The following LEF1 variants were observed in gnomAD, a reference collection of about 807,000 sequenced individuals.
LEF1 encodes the protein lymphoid enhancer binding factor 1.
LEF1 carries 14 observed loss-of-function variants against 51.2 expected under a neutral mutation model. That is an observed-to-expected ratio of 0.27 (90% CI 0.18 to 0.43). The LOEUF is 0.43. LEF1 is among the 20% of genes least tolerant of loss of function. The pLI is 1.00. For missense variants in LEF1, 386 were observed against 512.0 expected (o/e 0.75, Z 2.37); for synonymous variants, 185 against 183.2 (o/e 1.01, Z -0.08).
At chr4:108,050,307 C>T (rs1350784658) in intron 11 of LEF1, among the ~76,000 whole-genome samples, 2 of 152,142 alleles carry the variant, frequency 1.3e-5, no homozygotes, top group East Asian at 3.9e-4. Context: ...AGAAGGCACC[C>T]TTAGGTAAGG....
chr4:108,160,562 G>T lies in LEF1; in HGVS notation c.414+3006C>A, dbSNP rs555745606. Among the ~76,000 whole-genome samples, 7 of 152,242 alleles carry T rather than the reference G, an allele frequency of 4.6e-5. No individual in the cohort carries two copies. The South Asian group carries it at 1.5e-3, about 32-fold the overall frequency. ...AATTCTGTGAGAGACCCATTCATAA[G>T]ATTTCTGGTATAGACACATTCACAC... On this transcript the variant is annotated intron_variant, in intron 3 of 11. Transcript: ENST00000265165.
intron 11 of LEF1, among the ~76,000 whole-genome samples, chr4:108,059,663 C>G (rs1737541527): frequency 6.6e-6 from 1 of 152,050 alleles, no homozygotes; most frequent in Admixed American, 6.5e-5. Flanking sequence ...AATTGAAAAC[C>G]AGCTGTGTGA....
intron 11 of LEF1, among the ~76,000 whole-genome samples, chr4:108,059,657 G>T (rs1203571250): frequency 6.6e-6 from 1 of 152,008 alleles, no homozygotes; most frequent in Non-Finnish European, 1.5e-5. Flanking sequence ...CTTCAGAATT[G>T]AAAACCAGCT....
In LEF1 at chr4:108,089,934, T is replaced by C. The variant is rs188626377; in HGVS notation, c.415-677A>G. On this transcript the variant is annotated intron_variant, in intron 3 of 11. Coordinates refer to ENST00000265165, the MANE Select transcript of LEF1 (RefSeq NM_016269.5). ...CTTCTCTAGTTTCCATAAACATTAA[T>C]TGATAAAAAGGAATTTCCAATCTTG... is the stretch of plus-strand genomic sequence containing the variant. Among the ~76,000 whole-genome samples the C allele has an allele frequency of 1.5e-3, 235 of 152,294 alleles. 1 individual carries two copies. Among genetic ancestry groups the C allele is most frequent in the African/African-American group, 5.3e-3 (221 of 41,556 alleles).
At chr4:108,086,100 T>C (rs1722171481) in intron 4 of LEF1, among the ~76,000 whole-genome samples, 1 of 152,224 alleles carries the variant, frequency 6.6e-6, no homozygotes, top group African/African-American at 2.4e-5. Context: ...GCTTAGGTCA[T>C]TATGTGAGCA....
At chr4:108,052,729 G>A (rs1285646580) in intron 11 of LEF1, among the ~76,000 whole-genome samples, 2 of 152,158 alleles carry the variant, frequency 1.3e-5, no homozygotes, top group Non-Finnish European at 2.9e-5. Context: ...GAGTCCCAGT[G>A]CTGGGCTGTT....
At chr4:108,070,315 T>C (rs925451771) in intron 9 of LEF1, 2 of 162,672 alleles carry the variant, frequency 1.2e-5, no homozygotes, top group African/African-American at 4.8e-5. Context: ...AAACCACGCA[T>C]AGAAAAAATA....
At chr4:108,166,931 G>T in intron 1 of LEF1, 3 of 579,580 alleles carry the variant, frequency 5.2e-6, no homozygotes, top group Non-Finnish European at 6.5e-6. Context: ...CGCTGGGGCC[G>T]CAGGGACTGA....
chr4:108,104,169 A>T (rs1379667568), intron 3 of LEF1, among the ~76,000 whole-genome samples: 1 of 152,076 alleles, frequency 6.6e-6, no homozygotes, highest in Non-Finnish European at 1.5e-5. Context: ...ATTATATGAT[A>T]TGTATATGTA....
intron 3 of LEF1, among the ~76,000 whole-genome samples, chr4:108,123,435 T>G (rs1488812689): frequency 5.3e-5 from 3 of 56,714 alleles, no homozygotes; most frequent in East Asian, 7.9e-4. Context: ...AGGGTTGGTT[T>G]TTTTTTTTTT....
intron 3 of LEF1, among the ~76,000 whole-genome samples, chr4:108,134,117 T>C (rs890164122): frequency 6.7e-6 from 1 of 150,118 alleles, no homozygotes; most frequent in Non-Finnish European, 1.5e-5. Flanking sequence ...AACGAGTATA[T>C]ATAAATAACT....
Position 108,167,511 on chromosome 4 carries a change from G to A in LEF1, c.213+44C>T. 6.3e-7 allele frequency: 1 copy of A among 1,599,968 alleles called. No homozygotes were observed. Among genetic ancestry groups the A allele is most frequent in the Non-Finnish European group, 8.5e-7 (1 of 1,169,898 alleles). On this transcript the variant is annotated intron_variant, in intron 1 of 11. Coordinates refer to ENST00000265165, the MANE Select transcript of LEF1 (RefSeq NM_016269.5). This position sits in a 1 kb window ranked among gnomAD's most constrained non-coding sequence, Gnocchi z 5.7. Reference sequence around the variant, plus strand: ...CCTTCCTCCCTCTCTGAGTTTCCCAGGGACCCGCCACGCCTCTCGGAACTG... The same window carrying A: ...CCTTCCTCCCTCTCTGAGTTTCCCAAGGACCCGCCACGCCTCTCGGAACTG...
chr4:108,082,201 T>C (rs1360145740), intron 5 of LEF1, among the ~76,000 whole-genome samples: 35 of 152,234 alleles, frequency 2.3e-4, no homozygotes, highest in Admixed American at 2.3e-3. Flanking sequence ...AATTATTTTC[T>C]CTCCACCCTG....
chr4:108,149,540 A>C (rs555558437), intron 3 of LEF1, among the ~76,000 whole-genome samples: 1 of 150,968 alleles, frequency 6.6e-6, no homozygotes, highest in South Asian at 2.1e-4. Flanking sequence ...CAACAAAAAA[A>C]CTTTAACATC....
At chr4:108,063,602 G>A (rs1361656931) in intron 11 of LEF1, 21 bp downstream of exon 11, 1 of 1,580,842 alleles carries the variant, frequency 6.3e-7, no homozygotes, top group Non-Finnish European at 8.6e-7. Flanking sequence ...GTCAGCAGTA[G>A]GACCAGAGAG....
chr4:108,097,775 A>C (rs1314730041), intron 3 of LEF1, among the ~76,000 whole-genome samples: 1 of 152,206 alleles, frequency 6.6e-6, no homozygotes, highest in Non-Finnish European at 1.5e-5. Flanking sequence ...TTCTGAGAGA[A>C]GTATTTTACC....
rs762968971 is a variant in LEF1, at chr4:108,068,481, T to A, written c.1116+2182A>T. Among the ~76,000 whole-genome samples, 5 of 152,186 alleles carry A rather than the reference T, an allele frequency of 3.3e-5. No homozygotes were observed. In the East Asian group the frequency reaches 7.7e-4, roughly 23 times the overall value. ...CTGAAAAATGGAGTAATAATATTCATGTAATAGTATTCATTCCACCACTGG... is the reference window on the plus strand; with the variant it reads ...CTGAAAAATGGAGTAATAATATTCAAGTAATAGTATTCATTCCACCACTGG... On this transcript the variant is annotated intron_variant, in intron 9 of 11. Coordinates refer to ENST00000265165, the MANE Select transcript of LEF1 (RefSeq NM_016269.5).
intron 3 of LEF1, among the ~76,000 whole-genome samples, chr4:108,099,584 A>ATGTGTGTG (rs1268828208): frequency 6.6e-5 from 2 of 30,412 alleles, no homozygotes; most frequent in African/African-American, 1.9e-4. Flanking sequence ...ATATATATAT[A>ATGTGTGTG]TATATATATA....
chr4:108,073,867 C>T (rs975011197), intron 8 of LEF1, among the ~76,000 whole-genome samples: 1 of 151,254 alleles, frequency 6.6e-6, no homozygotes, highest in Non-Finnish European at 1.5e-5. Context: ...GCTCTGTTGC[C>T]CAGGCTGGAG....
Sources: gnomAD v4.1 joint callset for allele counts (sites outside exome capture counted in the v4.1 genomes callset) on GRCh38, gnomAD v4.1.1 for gene constraint, Gnocchi (gnomAD v3.1) non-coding constraint, MANE v1.5 for transcripts, NCBI Gene and HGNC (gene_info 2026-07-23, HGNC 2026-07-21) for gene names.